Variants in TDRD3 observed in about 807,000 individuals in gnomAD.
The protein encoded by TDRD3 is tudor domain-containing protein 3.
Under a neutral mutation model 86.7 loss-of-function variants are expected in TDRD3, and 45 were observed. That is an observed-to-expected ratio of 0.52 (90% CI 0.41 to 0.67). The LOEUF (loss-of-function observed/expected upper bound fraction) is 0.67. TDRD3 is among the 30% of genes least tolerant of loss of function. The probability of loss-of-function intolerance (pLI) is 0.00; values close to 1 mark genes in which losing one functional copy is unlikely to be tolerated. For missense variants in TDRD3, 814 were observed against 889.0 expected (o/e 0.92, Z 1.07); for synonymous variants, 298 against 301.7 (o/e 0.99, Z 0.13).
At chr13:60,505,862 C>T (rs1956925401) in intron 8 of TDRD3, among the ~76,000 whole-genome samples, 1 of 152,126 alleles carries the variant, frequency 6.6e-6, no homozygotes, top group African/African-American at 2.4e-5. Flanking sequence ...ATGAAAGCCT[C>T]CAAGAAATAT....
At chr13:60,404,680 C>T (rs535513094) in intron 1 of TDRD3, among the ~76,000 whole-genome samples, 6 of 152,282 alleles carry the variant, frequency 3.9e-5, no homozygotes, top group African/African-American at 1.4e-4. Context: ...TCTTGGCTCA[C>T]TGTAACCTCC....
intron 8 of TDRD3, among the ~76,000 whole-genome samples, chr13:60,501,419 A>C (rs1595031109): frequency 1.3e-5 from 2 of 152,322 alleles, no homozygotes; most frequent in South Asian, 4.1e-4. Flanking sequence ...GTTTGCCTCC[A>C]CCAGATGTTG....
chr13:60,435,384 T>C (rs1955063742), intron 1 of TDRD3, among the ~76,000 whole-genome samples: 1 of 152,166 alleles, frequency 6.6e-6, no homozygotes, highest in African/African-American at 2.4e-5. Flanking sequence ...CAGTGTACAC[T>C]GTACCCAATA....
At chr13:60,569,805 G>A (rs558664824) in intron 13 of TDRD3, among the ~76,000 whole-genome samples, 2 of 152,224 alleles carry the variant, frequency 1.3e-5, no homozygotes, top group South Asian at 4.1e-4. Context: ...TAGGTGCCAA[G>A]AACATACATT....
chr13:60,434,647 A>G (rs2137933947), intron 1 of TDRD3, among the ~76,000 whole-genome samples: 1 of 152,258 alleles, frequency 6.6e-6, no homozygotes, highest in East Asian at 1.9e-4. Flanking sequence ...TAGATTAGTA[A>G]TAAGTGGTTT....
chr13:60,460,412 A>G lies in TDRD3; in HGVS notation c.225A>G (p.Lys75=), dbSNP rs1955777840. ...LEGPCVLQIQ[K]IRNVAAPKDN... is the part of the protein sequence containing the mutation. Reference sequence around the variant, plus strand: ...GTCCATGTGTTTTGCAAATTCAAAAAATTCGCAATGTTGCTGCACCAAAGG... The same window carrying G: ...GTCCATGTGTTTTGCAAATTCAAAAGATTCGCAATGTTGCTGCACCAAAGG... Residue 75 remains lysine, a synonymous_variant, in exon 4 of 14, where the codon AAA becomes AAG. Coordinates refer to ENST00000377881, the MANE Select transcript of TDRD3 (RefSeq NM_001146070.2). The G allele has an allele frequency of 2.5e-6, 4 of 1,601,792 alleles. No individual in the cohort carries two copies. The highest frequency in any genetic ancestry group is 3.4e-6 in the Non-Finnish European group (4 of 1,176,974).
chr13:60,485,996 A>G, intron 7 of TDRD3, 48 bp downstream of exon 7: 3 of 1,515,512 alleles, frequency 2.0e-6, no homozygotes, highest in African/African-American at 1.4e-5. Context: ...ATTATGTTCT[A>G]TTTAGATTAT....
chr13:60,398,251 A>G (rs929422143), intron 1 of TDRD3, among the ~76,000 whole-genome samples: 1 of 152,186 alleles, frequency 6.6e-6, no homozygotes, highest in East Asian at 1.9e-4. Context: ...AAAGATTTGC[A>G]ACGGCTCTCT....
At chr13:60,453,990 A>G (rs1161772154) in intron 3 of TDRD3, among the ~76,000 whole-genome samples, 1 of 152,160 alleles carries the variant, frequency 6.6e-6, no homozygotes, top group African/African-American at 2.4e-5. Context: ...TACATAGGAA[A>G]TATATGTGTA....
rs754905286 is a variant in TDRD3 at position 60,529,032 on chromosome 13, A to T, written c.1807A>T (p.Ile603Phe). ...ACTGAAAGGAAGACGAATAGGACCT[A>T]TTAAGCCAGCAGGACCTGTCACAGC... is the stretch of plus-strand genomic sequence containing the variant. ...MPLKGRRIGP[I>F]KPAGPVTAVP... The change falls in exon 11 of 14, where the codon ATT (isoleucine) becomes TTT (phenylalanine). Residue 603 changes from isoleucine (I) to phenylalanine (F), a missense_variant. Physicochemically the swap from Ile to Phe is conservative, Grantham distance 21. Coordinates refer to ENST00000377881, the MANE Select transcript of TDRD3 (RefSeq NM_001146070.2). The T allele has an allele frequency of 1.9e-6, 3 of 1,614,078 alleles. No individual in the cohort carries two copies. Among genetic ancestry groups the T allele is most frequent in the Non-Finnish European group, 2.5e-6 (3 of 1,179,956 alleles).
chr13:60,485,177 G>A (rs770473022), intron 6 of TDRD3, among the ~76,000 whole-genome samples: 1 of 152,044 alleles, frequency 6.6e-6, no homozygotes, highest in South Asian at 2.1e-4. Context: ...TTTTATTAAT[G>A]AGTTGAGAAA....
intron 3 of TDRD3, among the ~76,000 whole-genome samples, chr13:60,456,757 G>T (rs113428755): frequency 6.6e-6 from 1 of 151,964 alleles, no homozygotes; most frequent in Non-Finnish European, 1.5e-5. Flanking sequence ...GTGTAGTGGC[G>T]CAATCGTGGT....
At chr13:60,547,249 A>G (rs987512714) in intron 12 of TDRD3, 1 of 985,330 alleles carries the variant, frequency 1.0e-6, no homozygotes, top group African/African-American at 1.7e-5. Context: ...CCAAGGCTGG[A>G]AAACATTTTC....
Position 60,397,324 on chromosome 13 carries a change from C to A in TDRD3, c.-41C>A, listed in dbSNP as rs1953945625. Reference sequence around the variant, plus strand: ...TCAAGTAGGAGGCCTCCCCATCACCCCCACCCCAGCCCCCCACCACCCCCG... The same window carrying A: ...TCAAGTAGGAGGCCTCCCCATCACCACCACCCCAGCCCCCCACCACCCCCG... On this transcript the variant is annotated 5_prime_UTR_variant, in exon 1 of 14. Coordinates refer to ENST00000377881, the MANE Select transcript of TDRD3 (RefSeq NM_001146070.2). The A allele has an allele frequency of 7.7e-7, 1 of 1,294,874 alleles. No individual in the cohort carries two copies. The highest frequency in any genetic ancestry group is 1.8e-5 in the African/African-American group (1 of 57,106). The allele number at this position is 1,294,874 out of a possible 1,614,324, so 80.2% of individuals were successfully genotyped here.
chr13:60,418,841 T>C (rs1347538844), intron 1 of TDRD3, among the ~76,000 whole-genome samples: 1 of 152,214 alleles, frequency 6.6e-6, no homozygotes, highest in East Asian at 1.9e-4. Context: ...TCTTCTGACA[T>C]CTTAGAAGTA....
At position 60,436,076 on chromosome 13, in the gene TDRD3, A is replaced by G. The variant is rs552701767; in HGVS notation, c.42-3612A>G. Among the ~76,000 whole-genome samples the G allele has an allele frequency of 2.1e-4, 30 of 141,006 alleles. 1 individual carries two copies. In the South Asian group the frequency reaches 5.8e-3, roughly 27 times the overall value. 92.5% of individuals were successfully genotyped at this position (141,006 alleles called of 152,430 possible). A position where few individuals can be genotyped will look rare whatever the true frequency, so the allele number is the denominator to read the frequency against. ...ATATATCTTCTTTTGAGAAATGTCT[A>G]TTTCCATCCTTTGCCCACTTTTGGA... On this transcript the variant is annotated intron_variant, in intron 1 of 13. Transcript: ENST00000377881.
intron 2 of TDRD3, among the ~76,000 whole-genome samples, chr13:60,441,103 CT>C (rs1232070682): frequency 1.3e-5 from 2 of 151,888 alleles, no homozygotes; most frequent in Non-Finnish European, 2.9e-5. Context: ...AAATAAAAGA[CT>C]AATTTTTTAA....
intron 12 of TDRD3, among the ~76,000 whole-genome samples, chr13:60,549,757 T>C (rs977445466): frequency 3.9e-5 from 6 of 152,150 alleles, no homozygotes; most frequent in African/African-American, 1.2e-4. Context: ...TATTGACTTA[T>C]CTGTCTATTA....
chr13:60,522,474 C>T (rs1021554743), intron 10 of TDRD3, among the ~76,000 whole-genome samples: 1 of 152,080 alleles, frequency 6.6e-6, no homozygotes, highest in Non-Finnish European at 1.5e-5. Context: ...TTATTAAAGC[C>T]AGATACTGTC....
Sources: gnomAD v4.1 joint callset for allele counts (sites outside exome capture counted in the v4.1 genomes callset) on GRCh38, gnomAD v4.1.1 for gene constraint, MANE v1.5 for transcripts, NCBI Gene and HGNC (gene_info 2026-07-23, HGNC 2026-07-21) for gene names.